The following ASPH variants were observed in gnomAD, a reference collection of about 807,000 sequenced individuals.
The protein encoded by ASPH is aspartate beta-hydroxylase, also known as aspartyl/asparaginyl beta-hydroxylase.
Under a neutral mutation model 118.4 loss-of-function variants are expected in ASPH, and 100 were observed. The ratio of observed to expected loss-of-function variants is 0.84; its 90% confidence interval spans 0.72 to 1.00. ASPH has a LOEUF of 1.00. ASPH is among the 50% of genes least tolerant of loss of function. ASPH has a pLI of 0.00. For synonymous variants in ASPH, 315 were observed against 325.6 expected (o/e 0.97, Z 0.35); for missense variants, 920 against 919.5 (o/e 1.00, Z -0.01).
Position 61,503,300 on chromosome 8 carries a change from G to C in ASPH, c.*59C>G. On this transcript the variant is annotated 3_prime_UTR_variant, in exon 25 of 25. Transcript: ENST00000379454. ...TCGAAATTCTATCCTCACACCCAAG[G>C]AGATGGAACCAGAAAGGCAGCCTCT... The C allele has an allele frequency of 1.3e-6, 2 of 1,543,276 alleles. No homozygotes were observed. Among genetic ancestry groups the C allele is most frequent in the Admixed American group, 3.6e-5 (2 of 55,234 alleles).
intron 3 of ASPH, among the ~76,000 whole-genome samples, chr8:61,676,679 G>A (rs1429086864): frequency 2.6e-5 from 4 of 151,630 alleles, no homozygotes; most frequent in East Asian, 1.9e-4. Flanking sequence ...AGCAGTATCA[G>A]GGAAAAAAAG....
At chr8:61,639,924 C>A (rs77462137) in intron 10 of ASPH, among the ~76,000 whole-genome samples, 1 of 152,210 alleles carries the variant, frequency 6.6e-6, no homozygotes, top group African/African-American at 2.4e-5. Flanking sequence ...CTTGTTGTCT[C>A]CCCCCAGCTA....
rs186667547 is a variant in ASPH, at chr8:61,661,847, A to G, written c.323-8187T>C. ...GTCCTCTGGATTAATTCAAGTGTTC[A>G]TGCTGATTGATTTATGTCAATTTCA... On this transcript the variant is annotated intron_variant, in intron 3 of 24. Transcript: ENST00000379454. 81 of 412,706 alleles carry G rather than the reference A, an allele frequency of 2.0e-4. No homozygotes were observed. In the Admixed American group the frequency reaches 3.3e-3, roughly 17 times the overall value. 25.6% of individuals were successfully genotyped at this position (412,706 alleles called of 1,614,324 possible). A position where few individuals can be genotyped will look rare whatever the true frequency, so the allele number is the denominator to read the frequency against.
At chr8:61,546,497 A>G (rs1335889578) in intron 21 of ASPH, among the ~76,000 whole-genome samples, 1 of 152,236 alleles carries the variant, frequency 6.6e-6, no homozygotes, top group African/African-American at 2.4e-5. Context: ...TGCTAAATGT[A>G]GCCGACCTAT....
At position 61,685,546 on chromosome 8, in the gene ASPH, A is replaced by AAGTC. The variant is rs554735377; in HGVS notation, c.104-1362_104-1359dup. ...ATCTAGAACTTGCCCTTTGACTTCTAAGTCCAGTTCTAATTACAGAATACT... is the reference window on the plus strand; with the variant it reads ...ATCTAGAACTTGCCCTTTGACTTCTAAGTCAGTCCAGTTCTAATTACAGAATACT... On this transcript the variant is annotated intron_variant, in intron 1 of 24. Coordinates refer to ENST00000379454, the MANE Select transcript of ASPH (RefSeq NM_004318.4). 3.6e-4 allele frequency among the ~76,000 whole-genome samples: 55 copies of AAGTC among 152,228 alleles called. No individual in the cohort carries two copies. In the South Asian group the frequency reaches 6.0e-3, roughly 17 times the overall value.
chr8:61,522,484 C>T (rs1040176108), intron 22 of ASPH, among the ~76,000 whole-genome samples: 1 of 152,050 alleles, frequency 6.6e-6, no homozygotes, highest in Admixed American at 6.6e-5. Context: ...TGGCTGCATC[C>T]CCACCCAAAT....
intron 1 of ASPH, among the ~76,000 whole-genome samples, chr8:61,689,474 T>C (rs189542315): frequency 6.6e-6 from 1 of 152,172 alleles, no homozygotes; most frequent in African/African-American, 2.4e-5. Flanking sequence ...TAAAACATAT[T>C]CGGATTAAAG....
At chr8:61,635,542 C>G (rs952798466) in intron 12 of ASPH, among the ~76,000 whole-genome samples, 8 of 152,050 alleles carry the variant, frequency 5.3e-5, no homozygotes, top group African/African-American at 1.9e-4. Context: ...TATTTTCTCT[C>G]CTAAACCAGT....
intron 24 of ASPH, among the ~76,000 whole-genome samples, chr8:61,509,818 C>T (rs1340374870): frequency 6.6e-6 from 1 of 152,072 alleles, no homozygotes; most frequent in Admixed American, 6.5e-5. Flanking sequence ...AGGGTCTCTG[C>T]TGCATTCTTG....
rs758245906 is a variant in ASPH, at chr8:61,646,757, AG to A, written c.611del (p.Ser204PhefsTer26). 6.2e-7 allele frequency: 1 copy of A among 1,613,362 alleles called. No individual in the cohort carries two copies. Among genetic ancestry groups the A allele is most frequent in the Non-Finnish European group, 8.5e-7 (1 of 1,179,616 alleles). ...DRFETLEPEV[S>X]HEETEHSYHV... is the part of the protein sequence containing the mutation. ...GAAAAAAAAGTGTTCTACCTTCATG[AG>A]ATACTTCAGGTTCCAGGGTCTCAAA... On this transcript the variant is annotated frameshift_variant, in exon 6 of 25. Coordinates refer to ENST00000379454, the MANE Select transcript of ASPH (RefSeq NM_004318.4). LOFTEE classifies it high-confidence loss of function.
chr8:61,638,208 T>C, intron 11 of ASPH, 114 bp downstream of exon 11: 5 of 1,350,624 alleles, frequency 3.7e-6, no homozygotes, highest in East Asian at 2.3e-5. Flanking sequence ...TCTTACTGAC[T>C]TGAAAATGTC....
intron 4 of ASPH, 132 bp from the exon 5 acceptor site, chr8:61,651,256 C>G: frequency 1.6e-6 from 1 of 635,766 alleles, no homozygotes; most frequent in Non-Finnish European, 2.6e-6. Context: ...CATGCCTTCT[C>G]TATCAGCTTA....
intron 3 of ASPH, chr8:61,660,287 G>C (rs1418625774): frequency 6.6e-6 from 1 of 152,090 alleles, no homozygotes; most frequent in East Asian, 1.9e-4. Flanking sequence ...TATTTGGGCA[G>C]GGGGAGAAGT....
At chr8:61,510,612 G>A (rs1808461533) in intron 24 of ASPH, among the ~76,000 whole-genome samples, 1 of 152,200 alleles carries the variant, frequency 6.6e-6, no homozygotes, top group Admixed American at 6.5e-5. Context: ...CCCTGTGGAG[G>A]TAGAGAAATG....
intron 20 of ASPH, among the ~76,000 whole-genome samples, chr8:61,548,975 T>A (rs1405615630): frequency 6.6e-6 from 1 of 152,200 alleles, no homozygotes; most frequent in African/African-American, 2.4e-5. Context: ...CCTCACCATA[T>A]GCTCTCCAAG....
At chr8:61,620,458 G>A (rs115411933) in intron 13 of ASPH, among the ~76,000 whole-genome samples, 6 of 151,886 alleles carry the variant, frequency 4.0e-5, no homozygotes, top group East Asian at 1.9e-4. Context: ...TACCTCCTGC[G>A]CAGTGCTGCA....
chr8:61,631,416 A>G (rs1588359210), intron 13 of ASPH, among the ~76,000 whole-genome samples: 1 of 152,274 alleles, frequency 6.6e-6, no homozygotes, highest in East Asian at 1.9e-4. Flanking sequence ...TTTTTACCAT[A>G]CTTTGTCTAC....
At chr8:61,612,318 T>C (rs1486496358) in intron 14 of ASPH, among the ~76,000 whole-genome samples, 1 of 149,960 alleles carries the variant, frequency 6.7e-6, no homozygotes. Flanking sequence ...GACTTGAAGA[T>C]ATAATAATAT....
intron 22 of ASPH, among the ~76,000 whole-genome samples, chr8:61,518,417 G>A (rs1811678425): frequency 6.6e-6 from 1 of 152,106 alleles, no homozygotes; most frequent in Non-Finnish European, 1.5e-5. Flanking sequence ...CAGGTTAAAG[G>A]CCTTTGACCT....
Sources: allele counts gnomAD v4.1 joint callset (sites outside exome capture counted in the v4.1 genomes callset), GRCh38; gene constraint gnomAD v4.1.1; transcripts MANE v1.5; gene names NCBI Gene and HGNC (gene_info 2026-07-23, HGNC 2026-07-21).